The following LSAMP variants were observed in gnomAD, a reference collection of about 807,000 sequenced individuals.
LSAMP encodes limbic system associated membrane protein.
Under a neutral mutation model 38.6 loss-of-function variants are expected in LSAMP, and 7 were observed. That is an observed-to-expected ratio of 0.18 (90% CI 0.10 to 0.34). LSAMP has a LOEUF of 0.34. Among genes scored for constraint, LSAMP ranks in the 10% least tolerant of loss-of-function variants. LSAMP has a pLI of 1.00. For synonymous variants in LSAMP, 154 were observed against 166.8 expected (o/e 0.92, Z 0.59); for missense variants, 313 against 420.0 (o/e 0.75, Z 2.23).
At chr3:116,407,326 T>C (rs1047236625) in intron 1 of LSAMP, among the ~76,000 whole-genome samples, 14 of 152,120 alleles carry the variant, frequency 9.2e-5, no homozygotes, top group African/African-American at 3.4e-4. Context: ...AACAGTTATG[T>C]TATTAGAGGC....
intron 1 of LSAMP, among the ~76,000 whole-genome samples, chr3:116,292,374 A>G (rs74523364): frequency 0.014 from 1,960 of 141,058 alleles, 35 homozygotes; most frequent in African/African-American, 0.058. Flanking sequence ...TGTGGAAATG[A>G]TGTAAATAAA....
intron 1 of LSAMP, among the ~76,000 whole-genome samples, chr3:116,377,687 G>A (rs1305473760): frequency 1.3e-5 from 2 of 151,938 alleles, no homozygotes; most frequent in Non-Finnish European, 2.9e-5. Context: ...TTTCTTCTAA[G>A]TCATGGCCGA....
chr3:116,013,353 T>G (rs1472852807), intron 3 of LSAMP, among the ~76,000 whole-genome samples: 1 of 152,232 alleles, frequency 6.6e-6, no homozygotes, highest in Non-Finnish European at 1.5e-5. Context: ...TTTGTAGTCA[T>G]TTTCTAAATG....
intron 2 of LSAMP, among the ~76,000 whole-genome samples, chr3:116,054,432 C>T (rs909212102): frequency 1.3e-5 from 2 of 152,054 alleles, no homozygotes; most frequent in Admixed American, 6.6e-5. Flanking sequence ...TTCTGCCTAC[C>T]TCAGACATAC....
At position 115,941,371 on chromosome 3, in the gene LSAMP, T is replaced by G. The variant is rs554081212; in HGVS notation, c.514+78144A>C. The stretch of plus-strand genomic sequence containing the variant: ...CATTATGAAAAACAGTATGGAAGTT[T>G]CTCAAAAATTAAAAACAAAACTACC... On this transcript the variant is annotated intron_variant, in intron 3 of 6. Transcript: ENST00000490035. 5.3e-5 allele frequency among the ~76,000 whole-genome samples: 8 copies of G among 152,154 alleles called. No homozygotes were observed. In the South Asian group the frequency reaches 1.7e-3, roughly 32 times the overall value.
intron 1 of LSAMP, among the ~76,000 whole-genome samples, chr3:116,274,969 A>AAC (rs2047027945): frequency 6.7e-6 from 1 of 149,222 alleles, no homozygotes. Flanking sequence ...AAAAAAAAAA[A>AAC]CTGCTGCCCA....
At chr3:116,202,317 A>G (rs1376255092) in intron 1 of LSAMP, among the ~76,000 whole-genome samples, 1 of 151,934 alleles carries the variant, frequency 6.6e-6, no homozygotes, top group Non-Finnish European at 1.5e-5. Flanking sequence ...TGTATTTAGT[A>G]GAGACGGGGT....
chr3:116,277,385 T>C (rs1017800696), intron 1 of LSAMP, among the ~76,000 whole-genome samples: 1 of 151,988 alleles, frequency 6.6e-6, no homozygotes, highest in African/African-American at 2.4e-5. Flanking sequence ...TTTTTTTTTT[T>C]TGAGACAGAG....
chr3:116,086,283 C>T, intron 2 of LSAMP, 41 bp downstream of exon 2: 5 of 1,458,632 alleles, frequency 3.4e-6, no homozygotes, highest in Non-Finnish European at 4.8e-6. Context: ...CTGCAACTCC[C>T]ACCTCTTTCT....
chr3:116,243,087 A>G (rs540262848), intron 1 of LSAMP, among the ~76,000 whole-genome samples: 137 of 152,240 alleles, frequency 9.0e-4, no homozygotes, highest in African/African-American at 3.2e-3. Flanking sequence ...AGCTACTTCT[A>G]CTCTCTAGTT....
At chr3:116,078,081 T>C (rs1459518835) in intron 2 of LSAMP, among the ~76,000 whole-genome samples, 1 of 152,160 alleles carries the variant, frequency 6.6e-6, no homozygotes, top group African/African-American at 2.4e-5. Flanking sequence ...CTTTTCTCTC[T>C]TCGTATTTAA....
At chr3:116,260,535 G>C (rs1395733164) in intron 1 of LSAMP, among the ~76,000 whole-genome samples, 4 of 152,122 alleles carry the variant, frequency 2.6e-5, no homozygotes, top group African/African-American at 9.7e-5. Flanking sequence ...ATTTCTTCAA[G>C]TTCTCAGTGC....
At chr3:115,847,823 C>T (rs1935209208) in intron 4 of LSAMP, among the ~76,000 whole-genome samples, 1 of 152,122 alleles carries the variant, frequency 6.6e-6, no homozygotes, top group South Asian at 2.1e-4. Context: ...TCTAAATTAC[C>T]CAGTCTTGGG....
chr3:116,121,904 T>TA (rs34926228), intron 1 of LSAMP, among the ~76,000 whole-genome samples: 14 of 143,876 alleles, frequency 9.7e-5, no homozygotes, highest in African/African-American at 3.5e-4. Context: ...TTTTTTTTTT[T>TA]AGCTCATCAG....
rs116709102 is a variant in LSAMP, at chr3:116,104,963, G to T, written c.156-18407C>A. Among the ~76,000 whole-genome samples the T allele has an allele frequency of 2.5e-3, 386 of 152,330 alleles. 1 individual carries two copies. Among genetic ancestry groups the T allele is most frequent in the African/African-American group, 8.9e-3 (371 of 41,570 alleles). On this transcript the variant is annotated intron_variant, in intron 1 of 6. Transcript: ENST00000490035. Reference sequence around the variant, plus strand: ...CAGCCATGGCAGGAGCACAGCGGTGGAAGAGAACTATTGCTTTGGCACTTT... The same window carrying T: ...CAGCCATGGCAGGAGCACAGCGGTGTAAGAGAACTATTGCTTTGGCACTTT...
intron 1 of LSAMP, among the ~76,000 whole-genome samples, chr3:116,236,511 G>A (rs1251417206): frequency 6.6e-6 from 1 of 151,914 alleles, no homozygotes; most frequent in African/African-American, 2.4e-5. Flanking sequence ...CACTATTGGT[G>A]CCCACTTTGA....
At chr3:115,892,581 AG>A (rs1424719867) in intron 3 of LSAMP, among the ~76,000 whole-genome samples, 1 of 151,922 alleles carries the variant, frequency 6.6e-6, no homozygotes, top group Non-Finnish European at 1.5e-5. Flanking sequence ...AGAAAGCATA[AG>A]GGGGGTTTCG....
chr3:116,105,351 G>C (rs1708439864), intron 1 of LSAMP, among the ~76,000 whole-genome samples: 1 of 152,104 alleles, frequency 6.6e-6, no homozygotes, highest in East Asian at 1.9e-4. Flanking sequence ...TGCCAGATAT[G>C]GTCACTTTCA....
At chr3:115,819,492 A>G (rs769271127) in intron 6 of LSAMP, among the ~76,000 whole-genome samples, 18 of 152,098 alleles carry the variant, frequency 1.2e-4, no homozygotes, top group Non-Finnish European at 1.8e-4. Flanking sequence ...AAAGTCTAGC[A>G]ATGTGCCTGC....
Sources: gnomAD v4.1 joint callset for allele counts (sites outside exome capture counted in the v4.1 genomes callset) on GRCh38, gnomAD v4.1.1 for gene constraint, MANE v1.5 for transcripts, NCBI Gene and HGNC (gene_info 2026-07-23, HGNC 2026-07-21) for gene names.